TMEM130: variants seen among roughly 807,000 people sequenced by gnomAD.
TMEM130 encodes the protein transmembrane protein 130.
In TMEM130, 37 loss-of-function variants were observed where a neutral mutation model predicts 42.9. The ratio of observed to expected loss-of-function variants is 0.86; its 90% CI spans 0.66 to 1.13. The LOEUF (loss-of-function observed/expected upper bound fraction) is 1.13. Among genes scored for constraint, TMEM130 ranks in the 50% most tolerant of loss-of-function variants. TMEM130 has a pLI of 0.00. For synonymous variants in TMEM130, 259 were observed against 237.7 expected, an observed-to-expected ratio of 1.09 and a Z score of -0.82; for missense variants, 545 against 562.6, an observed-to-expected ratio of 0.97 and a Z score of 0.32.
chr7:98,856,073 G>A lies in TMEM130; in HGVS notation c.662C>T (p.Ala221Val). The A allele has an allele frequency of 6.2e-7, 1 of 1,613,774 alleles. No homozygotes were observed. The highest frequency in any genetic ancestry group is 1.1e-5 in the South Asian group (1 of 91,070). The change falls in exon 4 of 8, where the codon GCC becomes GTC. Residue 221 changes from alanine to valine, a missense_variant. By Grantham distance (64) the Ala-to-Val change is moderately conservative (BLOSUM62 0). Coordinates refer to ENST00000339375, the MANE Select transcript of TMEM130 (RefSeq NM_152913.3). ...VAEWEEVEPD[A>V]TRAVKQKTGD... Reference sequence around the variant, plus strand: ...GGTCTTCTGCTTCACAGCCCTCGTGGCATCCGGCTCCACCTCTTCCCACTC... The same window carrying A: ...GGTCTTCTGCTTCACAGCCCTCGTGACATCCGGCTCCACCTCTTCCCACTC...
chr7:98,855,605 G>A (rs543600873), intron 4 of TMEM130, among the ~76,000 whole-genome samples: 10 of 152,300 alleles, frequency 6.6e-5, no homozygotes, highest in South Asian at 2.1e-4. Context: ...GCACCATCCC[G>A]TCAGCAAGAA....
intron 1 of TMEM130, among the ~76,000 whole-genome samples, chr7:98,864,383 T>TC (rs1794861375): frequency 1.4e-5 from 2 of 145,598 alleles, no homozygotes; most frequent in Non-Finnish European, 3.0e-5. Flanking sequence ...ATTTTTTTCT[T>TC]TTTTTTTTTT....
At chr7:98,852,025 C>T (rs1002012725) in intron 5 of TMEM130, among the ~76,000 whole-genome samples, 10 of 152,310 alleles carry the variant, frequency 6.6e-5, no homozygotes, top group African/African-American at 2.2e-4. Flanking sequence ...TAGCTCACTG[C>T]AGCCTCCAGC....
intron 6 of TMEM130, among the ~76,000 whole-genome samples, chr7:98,850,837 G>A: frequency 6.6e-6 from 1 of 152,198 alleles, no homozygotes; most frequent in Admixed American, 6.5e-5. Flanking sequence ...TGGTGATGAG[G>A]GAGGGAACAC....
intron 6 of TMEM130, 139 bp downstream of exon 6, chr7:98,851,282 G>A (rs1228834273): frequency 2.5e-6 from 2 of 812,958 alleles, no homozygotes; most frequent in Admixed American, 2.1e-5. Flanking sequence ...TGGGGTTATG[G>A]ATGGTGCTGA....
rs1554401020 is a variant in TMEM130 at position 98,869,225 on chromosome 7, G to A, written c.85+552C>T. 1.6e-6 allele frequency: 2 copies of A among 1,288,818 alleles called. No individual in the cohort carries two copies. The highest frequency in any genetic ancestry group is 1.2e-5 in the South Asian group (1 of 80,984). The allele number at this position is 1,288,818 out of a possible 1,614,324, so 79.8% of individuals were successfully genotyped here. A position where few individuals can be genotyped will look rare whatever the true frequency, so the allele number is the denominator to read the frequency against. On this transcript the variant is annotated intron_variant, in intron 1 of 7. Coordinates refer to ENST00000339375, the MANE Select transcript of TMEM130 (RefSeq NM_152913.3). This position sits in a 1 kb window ranked among gnomAD's most constrained non-coding sequence, Gnocchi z 4.7. ...CACACCCCAGGAACCTGTCAGCTCC[G>A]GGTCCATTTTGGAAATCACCACCAG...
chr7:98,858,140 C>T lies in TMEM130; in HGVS notation c.552-1957G>A, dbSNP rs1356827526. 2.0e-5 allele frequency among the ~76,000 whole-genome samples: 3 copies of T among 152,082 alleles called. No individual in the cohort carries two copies. In the East Asian group the frequency reaches 5.8e-4, roughly 29 times the overall value. On this transcript the variant is annotated intron_variant, in intron 3 of 7. Coordinates refer to ENST00000339375, the MANE Select transcript of TMEM130 (RefSeq NM_152913.3). ...GTTTATTTATATTACATTGAATGTT[C>T]ATTTCTGTATAATGTTAGTTGTTAG...
At position 98,863,256 on chromosome 7, in the gene TMEM130, G is replaced by T. The variant is rs139356243; in HGVS notation, c.230C>A (p.Thr77Asn). 196 of 1,613,950 alleles carry T rather than the reference G, an allele frequency of 1.2e-4. No individual in the cohort carries two copies. Among genetic ancestry groups the T allele is most frequent in the Non-Finnish European group, 3.1e-5 (36 of 1,180,052 alleles). Reference protein sequence around the residue: ...AHLYRFHWIHTPLVLTGKMEK... With the variant: ...AHLYRFHWIHNPLVLTGKMEK... ...CATCTTGCCAGTAAGCACCAGCGGG[G>T]TGTGGATCCAGTGGAAGCGGTAGAG... Residue 77 changes from threonine (T) to asparagine (N), a missense_variant, in exon 2 of 8, where the codon ACC (threonine) becomes AAC (asparagine). Thr to Asn is a moderately conservative substitution (Grantham distance 65). Coordinates refer to ENST00000339375, the MANE Select transcript of TMEM130 (RefSeq NM_152913.3).
Position 98,860,272 on chromosome 7 carries a change from G to A in TMEM130, c.458C>T (p.Thr153Ile), listed in dbSNP as rs782308640. The A allele has an allele frequency of 4.3e-6, 7 of 1,613,406 alleles. No homozygotes were observed. Among genetic ancestry groups the A allele is most frequent in the African/African-American group, 4.0e-5 (3 of 74,882 alleles). ...GAAGGAGACTTTCAGGACGGTCTTA[G>A]TGAGATAGGAGCTGGGCCAGGGTAG... The part of the protein sequence containing the change: ...TSLPWPSSYL[T>I]KTVLKVSFLL... Residue 153 changes from threonine (T) to isoleucine (I), a missense_variant, in exon 3 of 8, where the codon ACT (threonine) becomes ATT (isoleucine). Thr to Ile is a moderately conservative substitution (Grantham distance 89). Transcript: ENST00000339375.
chr7:98,869,469 TC>T lies in TMEM130; in HGVS notation c.85+307del. On this transcript the variant is annotated intron_variant, in intron 1 of 7. Transcript: ENST00000339375. The surrounding 1 kb of genome is among the most constrained non-coding windows in gnomAD (Gnocchi z 4.7). ...CTCCCCTCCCTTAGCGGGTGCATGG[TC>T]CCCAGGCATCGACGGATGCGCCGGC... The T allele has an allele frequency of 1.2e-6, 1 of 863,678 alleles. No individual in the cohort carries two copies. Among genetic ancestry groups the T allele is most frequent in the Non-Finnish European group, 1.4e-6 (1 of 718,740 alleles). 53.5% of individuals were successfully genotyped at this position (863,678 alleles called of 1,614,324 possible). A position where few individuals can be genotyped will look rare whatever the true frequency, so the allele number is the denominator to read the frequency against.
intron 1 of TMEM130, among the ~76,000 whole-genome samples, chr7:98,864,503 C>T (rs1340279932): frequency 1.3e-5 from 2 of 150,882 alleles, no homozygotes; most frequent in South Asian, 2.1e-4. Flanking sequence ...AGGCATGAGC[C>T]AGCGTCCTCA....
Position 98,848,697 on chromosome 7 carries a change from TG to T in TMEM130, c.1007-3del, listed in dbSNP as rs1554397771. ...AAGCAAAGACAGCCGGCTGGATTCC[TG>T]GGAATGAAAGAAGTAACATTACAGG... On this transcript the variant is annotated splice_region_variant and splice_polypyrimidine_tract_variant and intron_variant, in intron 6 of 7. Transcript: ENST00000339375. The T allele has an allele frequency of 6.2e-7, 1 of 1,604,868 alleles. No individual in the cohort carries two copies. Among genetic ancestry groups the T allele is most frequent in the Admixed American group, 1.7e-5 (1 of 59,992 alleles).
At chr7:98,855,456 T>C in intron 4 of TMEM130, 132 bp from the exon 5 acceptor site, 1 of 759,236 alleles carries the variant, frequency 1.3e-6, no homozygotes, top group Non-Finnish European at 2.0e-6. Flanking sequence ...CACAGGTCTG[T>C]GCGGGGTTCC....
chr7:98,869,204 C>T lies in TMEM130; in HGVS notation c.85+573G>A, dbSNP rs1288675184. The T allele has an allele frequency of 1.6e-6, 2 of 1,288,822 alleles. No individual in the cohort carries two copies. The highest frequency in any genetic ancestry group is 2.0e-6 in the Non-Finnish European group (2 of 988,680). 79.8% of individuals were successfully genotyped at this position (1,288,822 alleles called of 1,614,324 possible). On this transcript the variant is annotated intron_variant, in intron 1 of 7. Transcript: ENST00000339375. This position sits in a 1 kb window ranked among gnomAD's most constrained non-coding sequence, Gnocchi z 4.7. ...CCCCACTCCCCCACCCACACACACA[C>T]CCCAGGAACCTGTCAGCTCCGGGTC...
intron 2 of TMEM130, among the ~76,000 whole-genome samples, chr7:98,862,749 C>T (rs1381202751): frequency 2.0e-5 from 3 of 152,202 alleles, no homozygotes; most frequent in Non-Finnish European, 4.4e-5. Context: ...ATCCACCTGC[C>T]TCGGCCTCCC....
intron 5 of TMEM130, 70 bp from the exon 6 acceptor site, chr7:98,851,693 A>T (rs1356346574): frequency 1.4e-6 from 2 of 1,419,526 alleles, no homozygotes; most frequent in Non-Finnish European, 1.9e-6. Context: ...CAAGTCCAAG[A>T]CAGGCCAGGT....
chr7:98,856,646 T>A (rs150567042), intron 3 of TMEM130, among the ~76,000 whole-genome samples: 13 of 152,182 alleles, frequency 8.5e-5, no homozygotes, highest in Admixed American at 2.0e-4. Context: ...CACAGGCGTG[T>A]ACCACTGTGC....
chr7:98,863,391 T>G lies in TMEM130; in HGVS notation c.95A>C (p.Glu32Ala). Residue 32 changes from glutamate to alanine, a missense_variant, in exon 2 of 8, where the codon GAA becomes GCA. Transcript: ENST00000339375. ...APAGVAAGLY[E>A]LNLTTDSPAT... ...AGGGCTATCGGTGGTGAGATTGAGT[T>G]CATACAGGCCTAGGAGCCCAGAAAC... 1 of 1,589,918 alleles carries G rather than the reference T, an allele frequency of 6.3e-7. No individual in the cohort carries two copies. The highest frequency in any genetic ancestry group is 8.5e-7 in the Non-Finnish European group (1 of 1,171,610).
At chr7:98,865,104 G>T (rs1472363506) in intron 1 of TMEM130, among the ~76,000 whole-genome samples, 1 of 152,222 alleles carries the variant, frequency 6.6e-6, no homozygotes, top group Non-Finnish European at 1.5e-5. Flanking sequence ...CACATAGCAG[G>T]TGTTTGGTAC....
Sources: gnomAD v4.1 joint callset for allele counts (sites outside exome capture counted in the v4.1 genomes callset) on GRCh38, gnomAD v4.1.1 for gene constraint, Gnocchi (gnomAD v3.1) non-coding constraint, MANE v1.5 for transcripts, NCBI Gene and HGNC (gene_info 2026-07-23, HGNC 2026-07-21) for gene names.